KCNIP4: variants seen among roughly 807,000 people sequenced by gnomAD.
KCNIP4 encodes the protein potassium voltage-gated channel interacting protein 4.
KCNIP4 carries 12 observed loss-of-function variants against 34.0 expected under a neutral mutation model. The observed-to-expected ratio is 0.35, with a 90% CI of 0.23 to 0.57. The LOEUF (loss-of-function observed/expected upper bound fraction) is 0.57. Among genes scored for constraint, KCNIP4 ranks in the 20% least tolerant of loss-of-function variants. KCNIP4 has a pLI of 0.83. For synonymous variants in KCNIP4, 124 were observed against 102.2 expected, an observed-to-expected ratio of 1.21 and a Z score of -1.29; for missense variants, 238 against 311.7, an observed-to-expected ratio of 0.76 and a Z score of 1.78.
At chr4:21,826,945 T>C (rs942059131) in intron 1 of KCNIP4, among the ~76,000 whole-genome samples, 2 of 152,020 alleles carry the variant, frequency 1.3e-5, no homozygotes, top group African/African-American at 2.4e-5. Context: ...GTTTCCACAA[T>C]AGAAGTTTTA....
intron 3 of KCNIP4, among the ~76,000 whole-genome samples, chr4:20,812,159 G>T (rs1715853138): frequency 1.3e-5 from 2 of 152,168 alleles, no homozygotes; most frequent in Non-Finnish European, 2.9e-5. Flanking sequence ...GATATCAAAG[G>T]CTAAGGAAAG....
chr4:20,889,923 CCAAAAAGCATT>C (rs1367313226), intron 1 of KCNIP4, among the ~76,000 whole-genome samples: 1 of 151,840 alleles, frequency 6.6e-6, no homozygotes, highest in African/African-American at 2.4e-5. Context: ...AAATATTTGT[CCAAAAAGCATT>C]CTTTATAATG....
At chr4:20,789,534 C>T (rs1488176790) in intron 3 of KCNIP4, among the ~76,000 whole-genome samples, 2 of 151,984 alleles carry the variant, frequency 1.3e-5, no homozygotes, top group African/African-American at 2.4e-5. Context: ...TGAATCTATG[C>T]CCTTGGGCAG....
chr4:20,981,726 T>G (rs1410644141), intron 1 of KCNIP4, among the ~76,000 whole-genome samples: 1 of 152,230 alleles, frequency 6.6e-6, no homozygotes, highest in African/African-American at 2.4e-5. Context: ...TCTTCCCTCA[T>G]GTATGGTGAT....
intron 3 of KCNIP4, among the ~76,000 whole-genome samples, chr4:20,848,488 A>AC (rs1313694487): frequency 1.4e-4 from 6 of 41,966 alleles, no homozygotes; most frequent in Admixed American, 2.2e-4. Context: ...TATGGGCAAC[A>AC]AAAAAAAACA....
intron 1 of KCNIP4, among the ~76,000 whole-genome samples, chr4:21,861,566 A>G (rs4696989): frequency 0.73 from 110,246 of 150,488 alleles, 44,932 homozygotes; most frequent in East Asian, 0.89. Context: ...CAGGAGAATC[A>G]CTTAAGCCGG....
intron 1 of KCNIP4, among the ~76,000 whole-genome samples, chr4:21,228,295 GT>G (rs1758549681): frequency 6.6e-6 from 1 of 152,086 alleles, no homozygotes; most frequent in Non-Finnish European, 1.5e-5. Context: ...CACTTCCCCT[GT>G]TGCTATCTCT....
chr4:21,672,896 C>T (rs941234021), intron 1 of KCNIP4, among the ~76,000 whole-genome samples: 2 of 152,224 alleles, frequency 1.3e-5, no homozygotes, highest in African/African-American at 4.8e-5. Flanking sequence ...CATCATGGCT[C>T]ATGCACAAGA....
chr4:21,038,834 A>G (rs1741689341), intron 1 of KCNIP4, among the ~76,000 whole-genome samples: 1 of 152,188 alleles, frequency 6.6e-6, no homozygotes, highest in African/African-American at 2.4e-5. Context: ...CACTCCAGTA[A>G]GTGAAAGAGT....
intron 1 of KCNIP4, among the ~76,000 whole-genome samples, chr4:21,762,176 G>A (rs1349054068): frequency 6.6e-6 from 1 of 151,922 alleles, no homozygotes; most frequent in Non-Finnish European, 1.5e-5. Flanking sequence ...ATTTTATAAA[G>A]TAAAAAGAAA....
At chr4:21,250,804 T>C (rs1002835480) in intron 1 of KCNIP4, among the ~76,000 whole-genome samples, 1 of 151,804 alleles carries the variant, frequency 6.6e-6, no homozygotes, top group Non-Finnish European at 1.5e-5. Context: ...AAAGGCTGTA[T>C]TTTCTTTTTA....
At chr4:20,978,185 G>C (rs1231717342) in intron 1 of KCNIP4, among the ~76,000 whole-genome samples, 2 of 152,154 alleles carry the variant, frequency 1.3e-5, no homozygotes, top group African/African-American at 4.8e-5. Flanking sequence ...ACAAACATAT[G>C]TGTTTGGTGT....
At chr4:21,117,177 A>T (rs1336705456) in intron 1 of KCNIP4, among the ~76,000 whole-genome samples, 2 of 151,902 alleles carry the variant, frequency 1.3e-5, no homozygotes, top group East Asian at 1.9e-4. Flanking sequence ...TTAATCTAGG[A>T]GGTCTAATTC....
At chr4:21,639,678 T>C (rs908090276) in intron 1 of KCNIP4, among the ~76,000 whole-genome samples, 3 of 152,222 alleles carry the variant, frequency 2.0e-5, no homozygotes, top group Non-Finnish European at 4.4e-5. Flanking sequence ...AAAAATATTG[T>C]ATATTCCATT....
chr4:21,011,724 C>T (rs923776792), intron 1 of KCNIP4, among the ~76,000 whole-genome samples: 11 of 152,182 alleles, frequency 7.2e-5, no homozygotes, highest in Non-Finnish European at 1.2e-4. Context: ...AGATAGACTA[C>T]TCTTTCAACT....
chr4:20,790,283 T>C (rs59679777), intron 3 of KCNIP4, among the ~76,000 whole-genome samples: 2,049 of 152,236 alleles, frequency 0.013, 55 homozygotes, highest in African/African-American at 0.047. Flanking sequence ...TTGCTCTGGG[T>C]GAATCAACAA....
intron 2 of KCNIP4, among the ~76,000 whole-genome samples, chr4:20,861,992 T>G (rs535395036): frequency 2.0e-5 from 3 of 149,334 alleles, no homozygotes; most frequent in Non-Finnish European, 3.0e-5. Context: ...ATTATTATTA[T>G]TATTATTATT....
At chr4:21,436,739 G>T (rs967461154) in intron 1 of KCNIP4, among the ~76,000 whole-genome samples, 1 of 152,172 alleles carries the variant, frequency 6.6e-6, no homozygotes, top group Non-Finnish European at 1.5e-5. Context: ...GAGAGTTCTT[G>T]TAAAGGTGAT....
At chr4:21,328,384 G>A (rs182040022) in intron 1 of KCNIP4, among the ~76,000 whole-genome samples, 1 of 152,146 alleles carries the variant, frequency 6.6e-6, no homozygotes, top group African/African-American at 2.4e-5. Flanking sequence ...CCAGGCAGAG[G>A]CTCTTCTTCT....
Sources: allele counts gnomAD v4.1 joint callset (sites outside exome capture counted in the v4.1 genomes callset), GRCh38; gene constraint gnomAD v4.1.1; transcripts MANE v1.5; gene names NCBI Gene and HGNC (gene_info 2026-07-23, HGNC 2026-07-21).